MAGI1: variants seen among roughly 807,000 people sequenced by gnomAD.
The protein encoded by MAGI1 is membrane-associated guanylate kinase, WW and PDZ domain-containing protein 1.
Under a neutral mutation model 139.9 loss-of-function variants are expected in MAGI1, and 58 were observed. The ratio of observed to expected loss-of-function variants is 0.41; its 90% CI spans 0.34 to 0.52. The LOEUF is 0.52. MAGI1 is among the 20% of genes least tolerant of loss of function. The pLI, the probability that MAGI1 is intolerant of heterozygous loss-of-function variation, is 0.12. For missense variants in MAGI1, 1,874 were observed against 1,901.6 expected (o/e 0.99, Z 0.27); for synonymous variants, 812 against 737.9 (o/e 1.10, Z -1.63).
intron 1 of MAGI1, among the ~76,000 whole-genome samples, chr3:65,896,931 C>T (rs2060993068): frequency 6.6e-6 from 1 of 152,082 alleles, no homozygotes; most frequent in Non-Finnish European, 1.5e-5. Context: ...ATTGCCCCTC[C>T]ATATCCGAGA....
At chr3:65,689,387 C>A (rs530423052) in intron 1 of MAGI1, among the ~76,000 whole-genome samples, 1 of 152,294 alleles carries the variant, frequency 6.6e-6, no homozygotes, top group African/African-American at 2.4e-5. Context: ...CTCAAATACA[C>A]TTCACCTTCA....
intron 1 of MAGI1, among the ~76,000 whole-genome samples, chr3:65,962,020 T>C (rs2064452805): frequency 6.6e-6 from 1 of 152,166 alleles, no homozygotes; most frequent in Non-Finnish European, 1.5e-5. Context: ...ATAGTCTTCA[T>C]GAAGAGGTTG....
intron 2 of MAGI1, among the ~76,000 whole-genome samples, chr3:65,507,013 C>T (rs1307078489): frequency 6.6e-6 from 1 of 152,152 alleles, no homozygotes; most frequent in Non-Finnish European, 1.5e-5. Context: ...TCACTCCCAT[C>T]AAGTATACAT....
intron 5 of MAGI1, among the ~76,000 whole-genome samples, chr3:65,464,364 A>G (rs1372224927): frequency 6.6e-6 from 1 of 151,948 alleles, no homozygotes; most frequent in Non-Finnish European, 1.5e-5. Context: ...TTTCTCATAT[A>G]TATGTTTAGT....
intron 1 of MAGI1, among the ~76,000 whole-genome samples, chr3:65,860,772 T>G (rs977497837): frequency 6.6e-6 from 1 of 152,228 alleles, no homozygotes; most frequent in Non-Finnish European, 1.5e-5. Flanking sequence ...CCAGCTTCTC[T>G]GAGAAGGCAG....
chr3:65,516,949 C>T (rs1004442399), intron 2 of MAGI1, among the ~76,000 whole-genome samples: 8 of 151,316 alleles, frequency 5.3e-5, no homozygotes, highest in African/African-American at 1.7e-4. Context: ...GGGATGGTCT[C>T]GATCTCCTGA....
At position 65,984,729 on chromosome 3, in the gene MAGI1, T is replaced by A. The variant is rs952385499; in HGVS notation, c.313+53267A>T. Among the ~76,000 whole-genome samples the A allele has an allele frequency of 1.0e-4, 14 of 136,334 alleles. No homozygotes were observed. The East Asian group carries it at 1.1e-3, about 11-fold the overall frequency. 89.4% of individuals were successfully genotyped at this position (136,334 alleles called of 152,430 possible). ...TTTTTTTTCTTTTTTTTTTTTTTTT[T>A]AGAGATAGGAGTCTCACTATGTTGC... On this transcript the variant is annotated intron_variant, in intron 1 of 22. Transcript: ENST00000402939.
At chr3:65,668,320 T>C (rs2086649998) in intron 1 of MAGI1, among the ~76,000 whole-genome samples, 2 of 152,194 alleles carry the variant, frequency 1.3e-5, no homozygotes, top group Admixed American at 6.5e-5. Flanking sequence ...TACTGGCTCA[T>C]GAGAGTCAAA....
chr3:66,004,752 G>A (rs781028782), intron 1 of MAGI1, among the ~76,000 whole-genome samples: 1 of 152,132 alleles, frequency 6.6e-6, no homozygotes. Flanking sequence ...CCATGAACAA[G>A]GTAAGTCCAA....
intron 1 of MAGI1, among the ~76,000 whole-genome samples, chr3:65,780,091 C>T (rs1038356317): frequency 2.0e-5 from 3 of 152,046 alleles, no homozygotes; most frequent in Non-Finnish European, 2.9e-5. Flanking sequence ...GGTGCAATTA[C>T]GGCTCACTGC....
intron 1 of MAGI1, among the ~76,000 whole-genome samples, chr3:65,719,305 A>G (rs571002703): frequency 6.1e-4 from 93 of 151,514 alleles, no homozygotes; most frequent in South Asian, 3.7e-3. Context: ...GTGTGTGTGT[A>G]TATACATATA....
At chr3:65,489,222 T>A (rs1951828093) in intron 3 of MAGI1, among the ~76,000 whole-genome samples, 1 of 152,170 alleles carries the variant, frequency 6.6e-6, no homozygotes, top group Non-Finnish European at 1.5e-5. Flanking sequence ...GCACCTACTA[T>A]GTGCCACACA....
intron 1 of MAGI1, among the ~76,000 whole-genome samples, chr3:65,743,950 C>A (rs747435459): frequency 7.1e-6 from 1 of 139,984 alleles, no homozygotes; most frequent in Non-Finnish European, 1.6e-5. Flanking sequence ...CTTTGTTATT[C>A]TAAAACTTTA....
intron 1 of MAGI1, among the ~76,000 whole-genome samples, chr3:66,009,741 C>T (rs1244362429): frequency 6.6e-6 from 1 of 151,946 alleles, no homozygotes; most frequent in East Asian, 1.9e-4. Flanking sequence ...TCTCAACCTG[C>T]CCTCATGAGC....
At chr3:65,753,224 C>T (rs558917583) in intron 1 of MAGI1, among the ~76,000 whole-genome samples, 2 of 152,244 alleles carry the variant, frequency 1.3e-5, no homozygotes, top group African/African-American at 4.8e-5. Context: ...ATTGCAAATA[C>T]ACACACTCAG....
intron 13 of MAGI1, among the ~76,000 whole-genome samples, chr3:65,400,855 C>A (rs1944826702): frequency 7.5e-6 from 1 of 132,610 alleles, no homozygotes. Context: ...ATTTCTACAG[C>A]AAGGAAATGT....
intron 2 of MAGI1, among the ~76,000 whole-genome samples, chr3:65,616,542 A>G (rs1443264169): frequency 1.3e-5 from 2 of 152,208 alleles, no homozygotes; most frequent in African/African-American, 4.8e-5. Flanking sequence ...AGGTACCCAA[A>G]AGCTGGAGAG....
chr3:65,878,046 A>T (rs2060182494), intron 1 of MAGI1, among the ~76,000 whole-genome samples: 1 of 151,984 alleles, frequency 6.6e-6, no homozygotes, highest in Non-Finnish European at 1.5e-5. Flanking sequence ...AGGAGTTGGA[A>T]ACTGCAGTAA....
chr3:66,010,071 C>T (rs1199155950), intron 1 of MAGI1, among the ~76,000 whole-genome samples: 2 of 83,560 alleles, frequency 2.4e-5, no homozygotes, highest in Non-Finnish European at 4.4e-5. Context: ...GTGATACTCT[C>T]TGTCTCAAAA....
Sources: gnomAD v4.1 joint callset for allele counts (sites outside exome capture counted in the v4.1 genomes callset) on GRCh38, gnomAD v4.1.1 for gene constraint, MANE v1.5 for transcripts, NCBI Gene and HGNC (gene_info 2026-07-23, HGNC 2026-07-21) for gene names.